Variants in SH3BGRL2 observed in about 807,000 individuals in gnomAD.
SH3BGRL2 encodes the protein SH3 domain-binding glutamic acid-rich-like protein 2.
In SH3BGRL2, 21 loss-of-function variants were observed where a neutral mutation model predicts 14.8. The observed-to-expected ratio is 1.42, with a 90% confidence interval of 1.01 to 2.05. The LOEUF is 2.05. Ranked by LOEUF, SH3BGRL2 falls within the 30% of genes most tolerant of loss-of-function variation. The probability of loss-of-function intolerance (pLI) is 0.00; values close to 1 mark genes in which losing one functional copy is unlikely to be tolerated. For missense variants in SH3BGRL2, 147 were observed against 130.8 expected, an observed-to-expected ratio of 1.12 and a Z score of -0.61; for synonymous variants, 50 against 47.8, an observed-to-expected ratio of 1.05 and a Z score of -0.19.
chr6:79,581,097 T>G, the SH3BGRL2 span, among the ~76,000 whole-genome samples: 7 of 152,080 alleles, frequency 4.6e-5, no homozygotes, highest in African/African-American at 1.7e-4. Context: ...AGGAAGAAGT[T>G]GAATATCTGA....
the SH3BGRL2 span, among the ~76,000 whole-genome samples, chr6:79,581,171 C>T: frequency 3.0e-4 from 46 of 152,162 alleles, no homozygotes; most frequent in Non-Finnish European, 5.9e-4. Flanking sequence ...AAAAAAAGTC[C>T]AGGACCAGAC....
the SH3BGRL2 span, among the ~76,000 whole-genome samples, chr6:79,582,173 A>G: frequency 6.6e-6 from 1 of 152,216 alleles, no homozygotes; most frequent in Non-Finnish European, 1.5e-5. Flanking sequence ...ATGCTCATGG[A>G]TAGGAAGAAT....
At chr6:79,587,474 TA>T in the SH3BGRL2 span, among the ~76,000 whole-genome samples, 1 of 152,140 alleles carries the variant, frequency 6.6e-6, no homozygotes, top group Non-Finnish European at 1.5e-5. Flanking sequence ...ACAGAAAGTA[TA>T]AAATGAGCAT....
chr6:79,605,316 A>G, the SH3BGRL2 span, among the ~76,000 whole-genome samples: 1 of 152,226 alleles, frequency 6.6e-6, no homozygotes, highest in Non-Finnish European at 1.5e-5. Flanking sequence ...ATGATGTCAG[A>G]AGAGATCACA....
At chr6:79,578,342 G>C in the SH3BGRL2 span, among the ~76,000 whole-genome samples, 5 of 152,218 alleles carry the variant, frequency 3.3e-5, no homozygotes, top group Non-Finnish European at 7.3e-5. Context: ...CCTGACCACC[G>C]TGTAGTCTAA....
intron 1 of SH3BGRL2, among the ~76,000 whole-genome samples, chr6:79,664,204 C>T (rs578091716): frequency 6.6e-6 from 1 of 152,346 alleles, no homozygotes; most frequent in East Asian, 1.9e-4. Context: ...TGAGATGAAC[C>T]AGGTACCTCA....
At chr6:79,699,451 T>A (rs756473700) in intron 3 of SH3BGRL2, 47 bp from the exon 4 acceptor site, 2 of 1,501,342 alleles carry the variant, frequency 1.3e-6, no homozygotes, top group Admixed American at 4.5e-5. Context: ...GTCGATGTAA[T>A]GCAATAACTG....
At chr6:79,550,510 C>T in the SH3BGRL2 span, among the ~76,000 whole-genome samples, 2 of 152,148 alleles carry the variant, frequency 1.3e-5, no homozygotes, top group Non-Finnish European at 2.9e-5. Flanking sequence ...CTGACCACCA[C>T]AGAGATTAAA....
At chr6:79,668,561 A>G (rs1268666890) in intron 1 of SH3BGRL2, among the ~76,000 whole-genome samples, 4 of 152,108 alleles carry the variant, frequency 2.6e-5, no homozygotes, top group East Asian at 3.9e-4. Flanking sequence ...TTCAAAGCAC[A>G]TCTGAGGGAG....
At chr6:79,546,532 G>T in the SH3BGRL2 span, among the ~76,000 whole-genome samples, 1 of 152,126 alleles carries the variant, frequency 6.6e-6, no homozygotes, top group Non-Finnish European at 1.5e-5. Context: ...TGGAAAGAAG[G>T]GAAGAAACCA....
intron 1 of SH3BGRL2, among the ~76,000 whole-genome samples, chr6:79,647,696 A>G (rs920201978): frequency 6.6e-6 from 1 of 152,282 alleles, no homozygotes; most frequent in East Asian, 1.9e-4. Flanking sequence ...CATCAGTGCT[A>G]GATAGAAAAA....
At chr6:79,574,161 C>G in the SH3BGRL2 span, 1 of 152,176 alleles carries the variant, frequency 6.6e-6, no homozygotes, top group Non-Finnish European at 1.5e-5. Context: ...TAATTCAAAG[C>G]AGTTATTTAG....
At chr6:79,645,658 A>T (rs1236001329) in intron 1 of SH3BGRL2, among the ~76,000 whole-genome samples, 1 of 152,228 alleles carries the variant, frequency 6.6e-6, no homozygotes, top group Non-Finnish European at 1.5e-5. Context: ...CGAGAAGGCT[A>T]TATATATGTT....
At chr6:79,615,719 T>C in the SH3BGRL2 span, among the ~76,000 whole-genome samples, 21 of 152,144 alleles carry the variant, frequency 1.4e-4, no homozygotes, top group Non-Finnish European at 2.9e-5. Context: ...CACAATAAAC[T>C]ATACCCATCT....
chr6:79,564,580 C>T, the SH3BGRL2 span, among the ~76,000 whole-genome samples: 1 of 152,082 alleles, frequency 6.6e-6, no homozygotes, highest in Non-Finnish European at 1.5e-5. Flanking sequence ...AATACCTTTC[C>T]CTCTTTCCTT....
intron 2 of SH3BGRL2, among the ~76,000 whole-genome samples, chr6:79,693,203 G>A (rs1298920581): frequency 1.3e-5 from 2 of 152,278 alleles, no homozygotes; most frequent in Non-Finnish European, 1.5e-5. Context: ...TTGTACGTTG[G>A]TTTTGTATCC....
chr6:79,568,388 A>G, the SH3BGRL2 span, among the ~76,000 whole-genome samples: 7 of 152,212 alleles, frequency 4.6e-5, no homozygotes, highest in Non-Finnish European at 7.3e-5. Context: ...TATTTAAAAT[A>G]TAGCAGTGAA....
At chr6:79,656,383 T>C (rs998394253) in intron 1 of SH3BGRL2, among the ~76,000 whole-genome samples, 9 of 152,222 alleles carry the variant, frequency 5.9e-5, no homozygotes, top group Admixed American at 5.2e-4. Context: ...TTTTCTGATA[T>C]GTGAGTAAAT....
chr6:79,602,752 C>T, the SH3BGRL2 span, among the ~76,000 whole-genome samples: 2 of 152,116 alleles, frequency 1.3e-5, no homozygotes, highest in Non-Finnish European at 2.9e-5. Flanking sequence ...CTTTCAGCCT[C>T]ATAATTGCCT....
Sources: gnomAD v4.1 joint callset for allele counts (sites outside exome capture counted in the v4.1 genomes callset) on GRCh38, gnomAD v4.1.1 for gene constraint, MANE v1.5 for transcripts, NCBI Gene and HGNC (gene_info 2026-07-23, HGNC 2026-07-21) for gene names.